AFF3: variants seen among roughly 807,000 people sequenced by gnomAD.
AFF3 encodes AF4/FMR2 family member 3.
Under a neutral mutation model 129.7 loss-of-function variants are expected in AFF3, and 32 were observed. The observed-to-expected ratio is 0.25, with a 90% CI of 0.19 to 0.33. The LOEUF (loss-of-function observed/expected upper bound fraction) is 0.33. AFF3 is among the 10% of genes least tolerant of loss of function. The probability of loss-of-function intolerance (pLI) is 1.00; values close to 1 mark genes in which losing one functional copy is unlikely to be tolerated. For missense variants in AFF3, 1,373 were observed against 1,592.0 expected (o/e 0.86, Z 2.34); for synonymous variants, 644 against 635.4 (o/e 1.01, Z -0.20).
intron 10 of AFF3, among the ~76,000 whole-genome samples, chr2:99,735,659 AATTTTGT>A (rs1180016798): frequency 2.6e-5 from 4 of 151,962 alleles, no homozygotes; most frequent in Non-Finnish European, 4.4e-5. Flanking sequence ...CACCCAGCTA[AATTTTGT>A]ATTTTTAGTA....
At chr2:99,921,289 T>C (rs887372702) in intron 7 of AFF3, among the ~76,000 whole-genome samples, 3 of 152,140 alleles carry the variant, frequency 2.0e-5, no homozygotes, top group African/African-American at 7.2e-5. Context: ...ATGGTTATTC[T>C]ACAAAATTCT....
chr2:99,551,268 G>T lies in AFF3; in HGVS notation c.*206C>A. 1 of 643,278 alleles carries T rather than the reference G, an allele frequency of 1.6e-6. No individual in the cohort carries two copies. The highest frequency in any genetic ancestry group is 2.6e-6 in the Non-Finnish European group (1 of 380,016). The allele number at this position is 643,278 out of a possible 1,614,324, so 39.8% of individuals were successfully genotyped here. On this transcript the variant is annotated 3_prime_UTR_variant, in exon 25 of 25. Coordinates refer to ENST00000672756, the MANE Select transcript of AFF3 (RefSeq NM_001386135.1). ...CAAAGAAGGTGTGTTCTGAAGAGCT[G>T]TGTATCTTACACACATACACAGGCG...
intron 8 of AFF3, among the ~76,000 whole-genome samples, chr2:99,811,956 C>T (rs1686824868): frequency 3.3e-5 from 5 of 152,236 alleles, no homozygotes; most frequent in Admixed American, 3.3e-4. Context: ...TAAAATATTT[C>T]AGTCATGTAA....
intron 2 of AFF3, among the ~76,000 whole-genome samples, chr2:100,110,889 A>G (rs191799116): frequency 2.0e-5 from 3 of 152,332 alleles, no homozygotes; most frequent in Admixed American, 6.5e-5. Flanking sequence ...AACTGGGCAT[A>G]TGACTTAGTT....
intron 7 of AFF3, among the ~76,000 whole-genome samples, chr2:99,955,552 T>C (rs193036576): frequency 6.0e-4 from 91 of 152,330 alleles, no homozygotes; most frequent in Non-Finnish European, 1.5e-4. Flanking sequence ...ATATTTGTCA[T>C]ATTTCTGGTG....
At chr2:99,895,692 C>T (rs1193435025) in intron 7 of AFF3, among the ~76,000 whole-genome samples, 9 of 152,062 alleles carry the variant, frequency 5.9e-5, no homozygotes, top group Admixed American at 5.2e-4. Context: ...AGCAGGGACT[C>T]GGTGGGAGTG....
intron 7 of AFF3, among the ~76,000 whole-genome samples, chr2:99,870,136 C>T (rs1453733059): frequency 6.6e-6 from 1 of 152,212 alleles, no homozygotes; most frequent in Non-Finnish European, 1.5e-5. Context: ...TTCTGATTCC[C>T]CCTCCAACCT....
At chr2:99,859,208 T>C (rs1479038841) in intron 7 of AFF3, among the ~76,000 whole-genome samples, 1 of 152,240 alleles carries the variant, frequency 6.6e-6, no homozygotes, top group Non-Finnish European at 1.5e-5. Flanking sequence ...TCCTGTGAGT[T>C]ATCCTCAGCA....
intron 7 of AFF3, among the ~76,000 whole-genome samples, chr2:99,929,294 T>C (rs1696504181): frequency 6.6e-6 from 1 of 151,818 alleles, no homozygotes; most frequent in African/African-American, 2.4e-5. Flanking sequence ...ACCATTGCAC[T>C]CCAGCCTGGG....
intron 15 of AFF3, among the ~76,000 whole-genome samples, chr2:99,588,618 A>G (rs1678356482): frequency 6.6e-6 from 1 of 152,202 alleles, no homozygotes; most frequent in African/African-American, 2.4e-5. Flanking sequence ...AACACCAAAG[A>G]GAGAAAGACT....
intron 8 of AFF3, among the ~76,000 whole-genome samples, chr2:99,791,833 T>C (rs935286095): frequency 6.6e-6 from 1 of 152,098 alleles, no homozygotes; most frequent in Non-Finnish European, 1.5e-5. Flanking sequence ...TTTTCTTTTT[T>C]TTTTTTTTAA....
chr2:99,835,578 G>T (rs1363861067), intron 8 of AFF3, among the ~76,000 whole-genome samples: 7 of 151,614 alleles, frequency 4.6e-5, no homozygotes, highest in African/African-American at 1.7e-4. Flanking sequence ...TACTACTAAC[G>T]CCTTAGGCTG....
chr2:99,924,417 C>T (rs1223440992), intron 7 of AFF3, among the ~76,000 whole-genome samples: 2 of 152,170 alleles, frequency 1.3e-5, no homozygotes, highest in East Asian at 3.9e-4. Flanking sequence ...TTACGATTAG[C>T]ATCTTTATTA....
chr2:99,873,131 C>T (rs1325520165), intron 7 of AFF3, among the ~76,000 whole-genome samples: 2 of 152,206 alleles, frequency 1.3e-5, no homozygotes, highest in Non-Finnish European at 2.9e-5. Context: ...AAGCGCCTTG[C>T]ACATATTTCA....
intron 19 of AFF3, among the ~76,000 whole-genome samples, chr2:99,567,675 G>A (rs1453761674): frequency 1.3e-5 from 2 of 152,156 alleles, no homozygotes; most frequent in Non-Finnish European, 2.9e-5. Context: ...ATCTCTGCAG[G>A]TGCAAAGGCC....
chr2:99,956,763 A>G (rs770832218), intron 7 of AFF3, among the ~76,000 whole-genome samples: 5 of 152,172 alleles, frequency 3.3e-5, no homozygotes, highest in Non-Finnish European at 7.3e-5. Context: ...TTATACCTGG[A>G]GTGCAGCACT....
rs1294165121 is a variant in AFF3 at position 99,547,282 on chromosome 2, T to C, written c.*4192A>G. 2 of 216,126 alleles carry C rather than the reference T, an allele frequency of 9.3e-6. No individual in the cohort carries two copies. Among genetic ancestry groups the C allele is most frequent in the African/African-American group, 2.3e-5 (1 of 44,384 alleles). 13.4% of individuals were successfully genotyped at this position (216,126 alleles called of 1,614,324 possible). ...CAACATAAATCATTTAATGTAACATTTGCAACCTTAGAAAGGCAGACATGT... is the reference window on the plus strand; with the variant it reads ...CAACATAAATCATTTAATGTAACATCTGCAACCTTAGAAAGGCAGACATGT... On this transcript the variant is annotated 3_prime_UTR_variant, in exon 25 of 25. Transcript: ENST00000672756.
chr2:99,580,043 G>A (rs113310594), intron 17 of AFF3, among the ~76,000 whole-genome samples: 6 of 152,132 alleles, frequency 3.9e-5, no homozygotes, highest in African/African-American at 1.4e-4. Context: ...CTCCTCCAGT[G>A]GCCTCTGCTT....
chr2:99,905,310 G>C (rs1400794979), intron 7 of AFF3, among the ~76,000 whole-genome samples: 1 of 152,178 alleles, frequency 6.6e-6, no homozygotes, highest in Non-Finnish European at 1.5e-5. Context: ...CTGGGGAAAG[G>C]CTTCCAACAA....
Sources: gnomAD v4.1 joint callset for allele counts (sites outside exome capture counted in the v4.1 genomes callset) on GRCh38, gnomAD v4.1.1 for gene constraint, MANE v1.5 for transcripts, NCBI Gene and HGNC (gene_info 2026-07-23, HGNC 2026-07-21) for gene names.